The following OR5B2 variants were observed in gnomAD, a reference collection of about 807,000 sequenced individuals.
The protein encoded by OR5B2 is olfactory receptor family 5 subfamily B member 2.
For missense variants in OR5B2, 411 were observed against 367.0 expected (o/e 1.12, Z -0.98); for synonymous variants, 163 against 140.8 (o/e 1.16, Z -1.11).
intron 1 of OR5B2, among the ~76,000 whole-genome samples, chr11:58,427,437 C>A (rs919802215): frequency 6.6e-6 from 1 of 152,138 alleles, no homozygotes; most frequent in Non-Finnish European, 1.5e-5. Flanking sequence ...GGCAGCATAA[C>A]TTCACAAAGT....
Position 58,423,191 on chromosome 11 carries a change from GGGATCTGTAGTTCTGGGACACT to G in OR5B2, c.49_70del (p.Ser17ProfsTer20). 1 of 1,613,452 alleles carries G rather than the reference GGGATCTGTAGTTCTGGGACACT, an allele frequency of 6.2e-7. No individual in the cohort carries two copies. The highest frequency in any genetic ancestry group is 8.5e-7 in the Non-Finnish European group (1 of 1,179,624). Reference sequence around the variant, plus strand: ...GATGAAGGTGAACAAGATAAAGAGGGGGATCTGTAGTTCTGGGACACTGGTTAGTCCTAGAAGAATGAACTTT... The same window carrying G: ...GATGAAGGTGAACAAGATAAAGAGGGGGTTAGTCCTAGAAGAATGAACTTT... On this transcript the variant is annotated frameshift_variant, in exon 3 of 3. Transcript: ENST00000641342. LOFTEE classifies it low-confidence loss of function (END_TRUNC).
Position 58,423,140 on chromosome 11 carries a change from A to G in OR5B2, c.122T>C (p.Leu41Pro). 6.2e-7 allele frequency: 1 copy of G among 1,613,746 alleles called. No homozygotes were observed. The highest frequency in any genetic ancestry group is 8.5e-7 in the Non-Finnish European group (1 of 1,179,786). The change falls in exon 3 of 3, where the codon CTG becomes CCG. Residue 41 changes from leucine to proline, a missense_variant. Leu to Pro is a moderately conservative substitution (Grantham distance 98). Coordinates refer to ENST00000641342, the MANE Select transcript of OR5B2 (RefSeq NM_001005566.3). Reference protein sequence around the residue: ...FIYLLTLCGNLGMMLLILMDS... With the variant: ...FIYLLTLCGNPGMMLLILMDS... ...CATCAGGATCAGCAACATCATCCCC[A>G]GGTTCCCACACAGAGTGAGGAGGTA...
In OR5B2 at chr11:58,422,331, C is replaced by T; in HGVS notation, c.*1G>A. Reference sequence around the variant, plus strand: ...TATACAACAATGTTAAAATTCCAAACTTATAGAAATTTTTGCCTTCTCAAC... The same window carrying T: ...TATACAACAATGTTAAAATTCCAAATTTATAGAAATTTTTGCCTTCTCAAC... On this transcript the variant is annotated 3_prime_UTR_variant, in exon 3 of 3. Transcript: ENST00000641342. The T allele has an allele frequency of 1.9e-6, 3 of 1,591,356 alleles. No homozygotes were observed. The highest frequency in any genetic ancestry group is 2.6e-6 in the Non-Finnish European group (3 of 1,162,322).
At chr11:58,427,381 A>G (rs773378997) in intron 1 of OR5B2, among the ~76,000 whole-genome samples, 10 of 152,216 alleles carry the variant, frequency 6.6e-5, no homozygotes, top group Non-Finnish European at 1.2e-4. Context: ...CATGAGTGGC[A>G]TAATGGAAAC....
intron 2 of OR5B2, among the ~76,000 whole-genome samples, chr11:58,423,684 A>G (rs909090293): frequency 6.6e-6 from 1 of 152,132 alleles, no homozygotes; most frequent in Non-Finnish European, 1.5e-5. Flanking sequence ...ATTCCTCTCA[A>G]CAATATAATG....
chr11:58,426,942 C>A (rs1855344893), intron 1 of OR5B2, among the ~76,000 whole-genome samples: 1 of 152,096 alleles, frequency 6.6e-6, no homozygotes, highest in Non-Finnish European at 1.5e-5. Context: ...GGGGTCTTAT[C>A]CCTGGCCATT....
chr11:58,427,406 A>T (rs1279964811), intron 1 of OR5B2, among the ~76,000 whole-genome samples: 1 of 152,204 alleles, frequency 6.6e-6, no homozygotes, highest in African/African-American at 2.4e-5. Context: ...CTAAAGTGTT[A>T]TGTAAGTTTC....
At chr11:58,426,766 T>C (rs189189172) in intron 1 of OR5B2, 90 bp from the exon 2 acceptor site, 1 of 152,076 alleles carries the variant, frequency 6.6e-6, no homozygotes, top group East Asian at 1.9e-4. Flanking sequence ...GGGAGGGAGA[T>C]TTAAGGAAAA....
At position 58,422,615 on chromosome 11, in the gene OR5B2, T is replaced by C. The variant is rs199619546; in HGVS notation, c.647A>G (p.Tyr216Cys). The C allele has an allele frequency of 1.9e-5, 30 of 1,613,514 alleles. No individual in the cohort carries two copies. The highest frequency in any genetic ancestry group is 2.5e-5 in the Non-Finnish European group (30 of 1,179,784). Residue 216 changes from tyrosine (Y) to cysteine (C), a missense_variant, in exon 3 of 3, where the codon TAC (tyrosine) becomes TGC (cysteine). Tyr to Cys is a radical substitution (Grantham distance 194). Coordinates refer to ENST00000641342, the MANE Select transcript of OR5B2 (RefSeq NM_001005566.3). ...FFVLLVIFIS[Y>C]LFIFITILKM... ...CAAGATGGTGATGAATATGAACAAG[T>C]AGGAGATAAAGATAACTAGAAGAAC... is the stretch of plus-strand genomic sequence containing the variant.
chr11:58,427,392 T>A (rs1050609917), intron 1 of OR5B2, among the ~76,000 whole-genome samples: 1 of 152,210 alleles, frequency 6.6e-6, no homozygotes, highest in African/African-American at 2.4e-5. Context: ...TAATGGAAAC[T>A]AGGCTAAAGT....
intron 2 of OR5B2, among the ~76,000 whole-genome samples, chr11:58,425,373 T>C (rs766018750): frequency 4.6e-5 from 7 of 151,990 alleles, no homozygotes; most frequent in Non-Finnish European, 1.0e-4. Context: ...AGAAAAAAAA[T>C]ATTTAAAGCA....
Position 58,422,398 on chromosome 11 carries a change from G to A in OR5B2, c.864C>T (p.Tyr288=), listed in dbSNP as rs1565156705. The change falls in exon 3 of 3, where the codon TAC becomes TAT. Residue 288 remains tyrosine (Y), a synonymous_variant. Coordinates refer to ENST00000641342, the MANE Select transcript of OR5B2 (RefSeq NM_001005566.3). The part of the protein sequence containing the change: ...MIIPMLNPVV[Y]SLRNREVQNA... ...TCTGGACTTCTCTGTTCCTCAGGCT[G>A]TAGACCACAGGGTTCAGCATGGGGA... 6.2e-7 allele frequency: 1 copy of A among 1,613,588 alleles called. No homozygotes were observed. The highest frequency in any genetic ancestry group is 8.5e-7 in the Non-Finnish European group (1 of 1,179,738).
chr11:58,426,975 C>A (rs1300425973), intron 1 of OR5B2, among the ~76,000 whole-genome samples: 2 of 152,056 alleles, frequency 1.3e-5, no homozygotes, highest in African/African-American at 2.4e-5. Flanking sequence ...GAGTAATATA[C>A]CAGTGTGAAA....
At position 58,422,106 on chromosome 11, in the gene OR5B2, A is replaced by G; in HGVS notation, c.*226T>C. The stretch of plus-strand genomic sequence containing the variant: ...CGAATGTCATTAGTAAGTTTTGACC[A>G]GCAAGTTCCAAAAATTCTAACATTT... On this transcript the variant is annotated 3_prime_UTR_variant, in exon 3 of 3. Transcript: ENST00000641342. The G allele has an allele frequency of 2.5e-6, 1 of 397,554 alleles. No individual in the cohort carries two copies. Among genetic ancestry groups the G allele is most frequent in the Non-Finnish European group, 4.5e-6 (1 of 223,424 alleles). 24.6% of individuals were successfully genotyped at this position (397,554 alleles called of 1,614,324 possible).
chr11:58,424,786 T>C (rs1160848383), intron 2 of OR5B2, among the ~76,000 whole-genome samples: 1 of 152,174 alleles, frequency 6.6e-6, no homozygotes, highest in Non-Finnish European at 1.5e-5. Context: ...GAAAGCATTA[T>C]GTTTGCCAAA....
At chr11:58,425,739 T>G (rs1855329257) in intron 2 of OR5B2, among the ~76,000 whole-genome samples, 1 of 152,154 alleles carries the variant, frequency 6.6e-6, no homozygotes, top group African/African-American at 2.4e-5. Context: ...CAGATTCTCT[T>G]TTATGTATTT....
intron 1 of OR5B2, 136 bp from the exon 2 acceptor site, chr11:58,426,812 A>AC (rs1414266264): frequency 6.6e-6 from 1 of 152,152 alleles, no homozygotes. Context: ...AATATTCTCC[A>AC]ACTTGTCACA....
At chr11:58,424,604 T>C (rs949348281) in intron 2 of OR5B2, among the ~76,000 whole-genome samples, 2 of 152,144 alleles carry the variant, frequency 1.3e-5, no homozygotes, top group Non-Finnish European at 2.9e-5. Flanking sequence ...GGGTTTCCTT[T>C]AGTCTGCAGA....
Position 58,422,896 on chromosome 11 carries a change from T to C in OR5B2, c.366A>G (p.Ala122=), listed in dbSNP as rs551793511. ...TGTAGTGTAGGGGTTTGCACACTGC[T>C]GCATAGCGGTCATAGGCCATTGAGG... ...LLASMAYDRY[A]AVCKPLHYTT... Residue 122 remains alanine, a synonymous_variant, in exon 3 of 3, where the codon GCA becomes GCG. Transcript: ENST00000641342. The C allele has an allele frequency of 9.9e-6, 16 of 1,613,828 alleles. No homozygotes were observed. Among genetic ancestry groups the C allele is most frequent in the South Asian group, 2.2e-5 (2 of 91,084 alleles).
Sources: allele counts gnomAD v4.1 joint callset (sites outside exome capture counted in the v4.1 genomes callset), GRCh38; gene constraint gnomAD v4.1.1; transcripts MANE v1.5; gene names NCBI Gene and HGNC (gene_info 2026-07-23, HGNC 2026-07-21).